FANK1: variants seen among roughly 807,000 people sequenced by gnomAD.
The protein encoded by FANK1 is fibronectin type III and ankyrin repeat domains 1, also known as fibronectin type 3 and ankyrin repeat domains protein 1.
A neutral mutation model predicts 45.3 loss-of-function variants in FANK1; 44 were observed. That is an observed-to-expected ratio of 0.97 (90% CI 0.76 to 1.25). The LOEUF (loss-of-function observed/expected upper bound fraction) is 1.25. Among genes scored for constraint, FANK1 ranks in the 50% most tolerant of loss-of-function variants. The pLI is 0.00. For synonymous variants in FANK1, 149 were observed against 152.5 expected (o/e 0.98, Z 0.17); for missense variants, 391 against 424.4 (o/e 0.92, Z 0.69).
At chr10:125,960,775 T>C (rs373206968) in intron 1 of FANK1, among the ~76,000 whole-genome samples, 79 of 152,336 alleles carry the variant, frequency 5.2e-4, no homozygotes, top group African/African-American at 1.8e-3. Context: ...GACCTTGTTA[T>C]CTGCCCGCCT....
Position 125,995,406 on chromosome 10 carries a change from C to T in FANK1, c.317-11C>T, listed in dbSNP as rs894508240. 8.7e-6 allele frequency: 14 copies of T among 1,613,770 alleles called. No homozygotes were observed. Among genetic ancestry groups the T allele is most frequent in the Non-Finnish European group, 1.2e-5 (14 of 1,179,666 alleles). On this transcript the variant is annotated splice_polypyrimidine_tract_variant and intron_variant, in intron 3 of 10. Coordinates refer to ENST00000368693, the MANE Select transcript of FANK1 (RefSeq NM_145235.5). ...TGTTCTGGATGACTGCCTTCCATCT[C>T]ATTTCTCCAGGAGAGCCCATAAGTA...
At chr10:126,005,560 A>G (rs1274680790) in intron 7 of FANK1, among the ~76,000 whole-genome samples, 3 of 152,112 alleles carry the variant, frequency 2.0e-5, no homozygotes, top group African/African-American at 4.8e-5. Context: ...CACCCACCTC[A>G]GCCTCCCAAA....
chr10:125,950,917 A>G (rs933600819), intron 1 of FANK1, among the ~76,000 whole-genome samples: 2 of 151,274 alleles, frequency 1.3e-5, no homozygotes, highest in Admixed American at 1.3e-4. Flanking sequence ...GCAGCCATAA[A>G]AAATGATGAG....
chr10:125,913,573 C>G (rs1946205840), intron 1 of FANK1, among the ~76,000 whole-genome samples: 1 of 152,166 alleles, frequency 6.6e-6, no homozygotes, highest in Non-Finnish European at 1.5e-5. Context: ...CCACTACTTC[C>G]AAATAGCATA....
At chr10:125,945,274 C>T (rs377152405) in intron 1 of FANK1, among the ~76,000 whole-genome samples, 34 of 152,290 alleles carry the variant, frequency 2.2e-4, no homozygotes, top group South Asian at 1.9e-3. Flanking sequence ...GGAACAGCTC[C>T]GGTCTACAGC....
At chr10:125,936,351 T>C (rs1948095760) in intron 1 of FANK1, among the ~76,000 whole-genome samples, 1 of 148,576 alleles carries the variant, frequency 6.7e-6, no homozygotes, top group Admixed American at 6.8e-5. Flanking sequence ...ATAAAAAGGA[T>C]ATACAGAAAA....
intron 1 of FANK1, among the ~76,000 whole-genome samples, chr10:125,920,023 C>T (rs1946832282): frequency 6.6e-6 from 1 of 152,128 alleles, no homozygotes; most frequent in African/African-American, 2.4e-5. Flanking sequence ...AGTTCAAAGA[C>T]ACTGAGGCCC....
intron 1 of FANK1, among the ~76,000 whole-genome samples, chr10:125,911,505 G>A (rs559249779): frequency 2.0e-5 from 3 of 152,352 alleles, no homozygotes; most frequent in South Asian, 4.1e-4. Context: ...AAGCAAAGCT[G>A]CAAGAAACAA....
chr10:125,904,842 C>T (rs1318530245), intron 1 of FANK1, among the ~76,000 whole-genome samples: 2 of 151,516 alleles, frequency 1.3e-5, no homozygotes, highest in Admixed American at 1.3e-4. Flanking sequence ...TTAAAAGTTT[C>T]TGGCCGGGCG....
intron 3 of FANK1, among the ~76,000 whole-genome samples, chr10:125,993,381 C>G (rs1156252571): frequency 6.6e-6 from 1 of 152,166 alleles, no homozygotes; most frequent in Admixed American, 6.5e-5. Flanking sequence ...TTTAGTTCAT[C>G]CATCTAAAGT....
At chr10:125,958,880 G>T (rs1564914123) in intron 1 of FANK1, among the ~76,000 whole-genome samples, 2 of 152,156 alleles carry the variant, frequency 1.3e-5, no homozygotes, top group Non-Finnish European at 1.5e-5. Context: ...TGGATCAGAG[G>T]AATTAATTTT....
intron 1 of FANK1, among the ~76,000 whole-genome samples, chr10:125,951,308 A>G (rs1009502089): frequency 6.6e-6 from 1 of 151,898 alleles, no homozygotes; most frequent in South Asian, 2.1e-4. Flanking sequence ...TCTTATAACT[A>G]TTTGCTCATA....
At chr10:125,954,088 G>GTGGGACCGTACAATCTAAGCAGAACCTGA (rs2134170504) in intron 1 of FANK1, among the ~76,000 whole-genome samples, 1 of 67,422 alleles carries the variant, frequency 1.5e-5, no homozygotes, top group South Asian at 5.3e-4. Flanking sequence ...CCACTGTGGA[G>GTGGGACCGTACAATCTAAGCAGAACCTGA]TTGGACCGTA....
At chr10:126,002,943 C>T (rs1952888224) in intron 6 of FANK1, among the ~76,000 whole-genome samples, 1 of 151,992 alleles carries the variant, frequency 6.6e-6, no homozygotes, top group African/African-American at 2.4e-5. Flanking sequence ...CACTGATACA[C>T]AACCACCCTG....
chr10:125,968,062 C>T (rs190914127), intron 1 of FANK1, among the ~76,000 whole-genome samples: 176 of 151,812 alleles, frequency 1.2e-3, no homozygotes, highest in Non-Finnish European at 2.0e-3. Flanking sequence ...TGGTACCTTA[C>T]AGTTATTTTA....
intron 1 of FANK1, among the ~76,000 whole-genome samples, chr10:125,906,105 C>T (rs926191575): frequency 6.6e-5 from 10 of 152,300 alleles, no homozygotes; most frequent in African/African-American, 2.4e-4. Flanking sequence ...GGTTCACGTT[C>T]AACAGAATAG....
intron 1 of FANK1, among the ~76,000 whole-genome samples, chr10:125,971,204 A>G (rs888998149): frequency 2.0e-5 from 3 of 152,014 alleles, no homozygotes; most frequent in Non-Finnish European, 2.9e-5. Context: ...CCTCCTGTTG[A>G]TGCAACTCTT....
At chr10:125,989,627 GAA>G (rs1177061190) in intron 3 of FANK1, among the ~76,000 whole-genome samples, 1 of 152,202 alleles carries the variant, frequency 6.6e-6, no homozygotes, top group African/African-American at 2.4e-5. Flanking sequence ...GTTTATCTGT[GAA>G]AAACACAATT....
chr10:125,997,808 GTGCAAGCGCCTGCCCC>G (rs1469467455), intron 6 of FANK1, among the ~76,000 whole-genome samples: 1 of 152,250 alleles, frequency 6.6e-6, no homozygotes, highest in African/African-American at 2.4e-5. Flanking sequence ...CTGGGCGTGG[GTGCAAGCGCCTGCCCC>G]TGGCACCCCG....
Sources: gnomAD v4.1 joint callset for allele counts (sites outside exome capture counted in the v4.1 genomes callset) on GRCh38, gnomAD v4.1.1 for gene constraint, MANE v1.5 for transcripts, NCBI Gene and HGNC (gene_info 2026-07-23, HGNC 2026-07-21) for gene names.